UBASH3B: variants seen among roughly 807,000 people sequenced by gnomAD.
UBASH3B encodes the protein ubiquitin-associated and SH3 domain-containing protein B.
Under a neutral mutation model 83.4 loss-of-function variants are expected in UBASH3B, and 37 were observed. That is an observed-to-expected ratio of 0.44 (90% CI 0.34 to 0.58). The LOEUF (loss-of-function observed/expected upper bound fraction) is 0.58. UBASH3B is among the 20% of genes least tolerant of loss of function. The pLI is 0.01. For synonymous variants in UBASH3B, 304 were observed against 318.3 expected, an observed-to-expected ratio of 0.96 and a Z score of 0.48; for missense variants, 657 against 827.2, an observed-to-expected ratio of 0.79 and a Z score of 2.52.
chr11:122,665,627 C>T (rs2135894466), intron 1 of UBASH3B, among the ~76,000 whole-genome samples: 1 of 152,248 alleles, frequency 6.6e-6, no homozygotes, highest in South Asian at 2.1e-4. Flanking sequence ...AAATTCTTCT[C>T]CTCTCCCTTT....
intron 1 of UBASH3B, among the ~76,000 whole-genome samples, chr11:122,729,819 A>AAAAAAG (rs1860809272): frequency 7.4e-6 from 1 of 135,274 alleles, no homozygotes; most frequent in African/African-American, 2.7e-5. Context: ...AAAAAAAAAA[A>AAAAAAG]CCCTAAAAAG....
At chr11:122,670,508 A>T (rs771775422) in intron 1 of UBASH3B, among the ~76,000 whole-genome samples, 7 of 152,176 alleles carry the variant, frequency 4.6e-5, no homozygotes, top group Non-Finnish European at 1.0e-4. Context: ...CTGTTAAATG[A>T]AGGTAATAGT....
chr11:122,664,125 T>C (rs1471597495), intron 1 of UBASH3B, among the ~76,000 whole-genome samples: 2 of 152,184 alleles, frequency 1.3e-5, no homozygotes, highest in African/African-American at 2.4e-5. Flanking sequence ...CAGTGGATGC[T>C]TTCTCCCTGA....
chr11:122,675,235 G>A (rs1863652360), intron 1 of UBASH3B, among the ~76,000 whole-genome samples: 1 of 152,208 alleles, frequency 6.6e-6, no homozygotes, highest in African/African-American at 2.4e-5. Context: ...TGCACACAGA[G>A]CTCTAGCACC....
In UBASH3B at chr11:122,656,115, C is replaced by A; in HGVS notation, c.66C>A (p.Val22=). The change falls in exon 1 of 14, where the codon GTC becomes GTA. Residue 22 remains valine (V), a synonymous_variant. Coordinates refer to ENST00000284273, the MANE Select transcript of UBASH3B (RefSeq NM_032873.5). ...MAAREELYSK[V]TPRRNRQQRP... ...CGAGAGAGGAGCTGTACAGCAAAGT[C>A]ACCCCCCGGAGGAACCGCCAACAGC... 1 of 1,600,792 alleles carries A rather than the reference C, an allele frequency of 6.2e-7. No individual in the cohort carries two copies. Among genetic ancestry groups the A allele is most frequent in the Non-Finnish European group, 8.5e-7 (1 of 1,174,878 alleles).
intron 11 of UBASH3B, among the ~76,000 whole-genome samples, chr11:122,805,400 C>T (rs370894841): frequency 6.6e-6 from 1 of 152,184 alleles, no homozygotes; most frequent in African/African-American, 2.4e-5. Context: ...GGTGTGGTGG[C>T]GCATGCCTCT....
intron 1 of UBASH3B, among the ~76,000 whole-genome samples, chr11:122,749,299 G>A (rs986733703): frequency 6.6e-6 from 1 of 152,232 alleles, no homozygotes; most frequent in African/African-American, 2.4e-5. Context: ...ATTCCAGAGC[G>A]AAACTGCTTC....
chr11:122,765,762 C>T (rs990662775), intron 1 of UBASH3B, among the ~76,000 whole-genome samples: 7 of 152,136 alleles, frequency 4.6e-5, no homozygotes, highest in African/African-American at 1.4e-4. Flanking sequence ...AAGCCTCATG[C>T]CTGGGAGCTC....
At chr11:122,671,885 C>G (rs1344226664) in intron 1 of UBASH3B, among the ~76,000 whole-genome samples, 2 of 152,140 alleles carry the variant, frequency 1.3e-5, no homozygotes, top group African/African-American at 4.8e-5. Flanking sequence ...GATGGAATCT[C>G]AGTATGTGAA....
chr11:122,776,496 T>C (rs978551348), intron 2 of UBASH3B, among the ~76,000 whole-genome samples: 1 of 152,170 alleles, frequency 6.6e-6, no homozygotes, highest in Non-Finnish European at 1.5e-5. Flanking sequence ...AATTCCCAGA[T>C]AGAGCCTCTC....
intron 6 of UBASH3B, among the ~76,000 whole-genome samples, chr11:122,792,198 G>A (rs76918841): frequency 0.013 from 1,985 of 152,172 alleles, 51 homozygotes; most frequent in African/African-American, 0.045. Context: ...TATCTTCACA[G>A]CTGCGATAAA....
At chr11:122,757,036 G>A (rs770447684) in intron 1 of UBASH3B, among the ~76,000 whole-genome samples, 17 of 152,122 alleles carry the variant, frequency 1.1e-4, no homozygotes, top group Non-Finnish European at 1.8e-4. Flanking sequence ...TGTGAGCATC[G>A]TATCCTAAAT....
intron 1 of UBASH3B, among the ~76,000 whole-genome samples, chr11:122,768,590 C>G (rs747744137): frequency 4.8e-4 from 73 of 151,860 alleles, no homozygotes; most frequent in Non-Finnish European, 8.8e-4. Context: ...GCTGCAACTT[C>G]TGCCTCCCTG....
At chr11:122,728,587 G>T (rs911290415) in intron 1 of UBASH3B, among the ~76,000 whole-genome samples, 4 of 152,182 alleles carry the variant, frequency 2.6e-5, no homozygotes, top group African/African-American at 9.7e-5. Flanking sequence ...CCTCCCCAGG[G>T]AGATCTTTGT....
intron 13 of UBASH3B, 48 bp downstream of exon 13, chr11:122,808,224 G>C: frequency 7.0e-7 from 1 of 1,427,850 alleles, no homozygotes; most frequent in Non-Finnish European, 9.9e-7. Flanking sequence ...GTAGTTTGAA[G>C]TCAGTACAGT....
chr11:122,727,997 CATTATT>C (rs60967984), intron 1 of UBASH3B, among the ~76,000 whole-genome samples: 2 of 149,900 alleles, frequency 1.3e-5, no homozygotes, highest in Admixed American at 1.3e-4. Flanking sequence ...CCCATCTTAT[CATTATT>C]ATTATTATTA....
chr11:122,741,187 A>T (rs1344845316), intron 1 of UBASH3B, among the ~76,000 whole-genome samples: 1 of 152,196 alleles, frequency 6.6e-6, no homozygotes, highest in Non-Finnish European at 1.5e-5. Flanking sequence ...CTGTGATGTG[A>T]TTCAGATTTT....
At position 122,801,226 on chromosome 11, in the gene UBASH3B, C is replaced by A. The variant is rs1281020263; in HGVS notation, c.1489C>A (p.Pro497Thr). The A allele has an allele frequency of 6.2e-7, 1 of 1,614,164 alleles. No individual in the cohort carries two copies. Among genetic ancestry groups the A allele is most frequent in the Admixed American group, 1.7e-5 (1 of 60,004 alleles). ...QENHLKIRVE[P>T]GLFEWTKWVA... The stretch of plus-strand genomic sequence containing the variant: ...AAATCACTTGAAGATCCGTGTAGAG[C>A]CCGGCTTATTTGAGTGGACAAAATG... The change falls in exon 11 of 14, where the codon CCC becomes ACC. Residue 497 changes from proline to threonine, a missense_variant. By Grantham distance (38) the Pro-to-Thr change is conservative. This residue lies in a region of UBASH3B where 573 missense variants were observed against 739.0 expected (regional missense o/e 0.78). Coordinates refer to ENST00000284273, the MANE Select transcript of UBASH3B (RefSeq NM_032873.5).
chr11:122,757,268 C>T (rs570256654), intron 1 of UBASH3B, among the ~76,000 whole-genome samples: 9 of 152,246 alleles, frequency 5.9e-5, no homozygotes, highest in Admixed American at 3.9e-4. Flanking sequence ...TCCTCATGAA[C>T]GGGATAGTCC....
Sources: gnomAD v4.1 joint callset for allele counts (sites outside exome capture counted in the v4.1 genomes callset) on GRCh38, gnomAD v4.1.1 for gene constraint, gnomAD v4.1.1 regional missense constraint, MANE v1.5 for transcripts, NCBI Gene and HGNC (gene_info 2026-07-23, HGNC 2026-07-21) for gene names.